The following TMCC3 variants were observed in gnomAD, a reference collection of about 807,000 sequenced individuals.
The protein encoded by TMCC3 is transmembrane and coiled-coil domain family 3, also known as transmembrane and coiled-coil domain protein 3.
A neutral mutation model predicts 40.2 loss-of-function variants in TMCC3; 28 were observed. The observed-to-expected ratio is 0.70, with a 90% CI of 0.52 to 0.95. TMCC3 has a LOEUF of 0.95. Among genes scored for constraint, TMCC3 ranks in the 40% least tolerant of loss-of-function variants. TMCC3 has a pLI of 0.00. For missense variants in TMCC3, 554 were observed against 615.2 expected (o/e 0.90, Z 1.05); for synonymous variants, 255 against 248.5 (o/e 1.03, Z -0.25).
At chr12:94,636,386 G>C (rs1015833138) in intron 1 of TMCC3, among the ~76,000 whole-genome samples, 1 of 150,126 alleles carries the variant, frequency 6.7e-6, no homozygotes, top group Admixed American at 6.6e-5. Context: ...GCAAAATATG[G>C]TTAGTATTTA....
At chr12:94,578,317 A>T in intron 3 of TMCC3, 77 bp downstream of exon 3, 1 of 1,520,104 alleles carries the variant, frequency 6.6e-7, no homozygotes. Flanking sequence ...GGACTTAGGC[A>T]TAAACATTTA....
At chr12:94,647,002 G>T (rs1009165038) in intron 1 of TMCC3, among the ~76,000 whole-genome samples, 1 of 151,906 alleles carries the variant, frequency 6.6e-6, no homozygotes, top group Non-Finnish European at 1.5e-5. Flanking sequence ...CCAACTAAAA[G>T]AAAACCTAAT....
chr12:94,624,895 C>T (rs2068895199), intron 1 of TMCC3, among the ~76,000 whole-genome samples: 2 of 151,998 alleles, frequency 1.3e-5, no homozygotes. Flanking sequence ...AATCCCAGCA[C>T]TTTGGGAGGC....
At chr12:94,627,824 A>G (rs943401546) in intron 1 of TMCC3, among the ~76,000 whole-genome samples, 1 of 152,176 alleles carries the variant, frequency 6.6e-6, no homozygotes. Context: ...ATCCACATTT[A>G]ACATACTATA....
At chr12:94,607,585 C>T (rs371101511) in intron 1 of TMCC3, among the ~76,000 whole-genome samples, 10 of 152,152 alleles carry the variant, frequency 6.6e-5, no homozygotes, top group East Asian at 3.9e-4. Context: ...CCTGACTTCC[C>T]GCAACAGATG....
chr12:94,640,464 G>A lies in TMCC3; in HGVS notation c.78+9889C>T, dbSNP rs938620642. ...CTCCCACAGTGCTGGGAATACAGGC[G>A]TGAGCCACCACACCCAGTGCTAATC... On this transcript the variant is annotated intron_variant, in intron 1 of 3. Coordinates refer to ENST00000261226, the MANE Select transcript of TMCC3 (RefSeq NM_020698.4). Among the ~76,000 whole-genome samples, 12 of 152,288 alleles carry A rather than the reference G, an allele frequency of 7.9e-5. No homozygotes were observed. In the South Asian group the frequency reaches 1.2e-3, roughly 16 times the overall value.
At chr12:94,579,906 T>A (rs1048984242) in intron 2 of TMCC3, among the ~76,000 whole-genome samples, 5 of 152,210 alleles carry the variant, frequency 3.3e-5, no homozygotes, top group Non-Finnish European at 5.9e-5. Flanking sequence ...TAGAAAGTGC[T>A]ATATCCCAGA....
Position 94,650,469 on chromosome 12 carries a change from C to T in TMCC3, c.-39G>A. On this transcript the variant is annotated 5_prime_UTR_variant, in exon 1 of 4. Coordinates refer to ENST00000261226, the MANE Select transcript of TMCC3 (RefSeq NM_020698.4). The stretch of plus-strand genomic sequence containing the variant: ...CCGCGAACTTTCCCGTCTTCTGGGG[C>T]TGCCGCGCCGCGAGCCACCGGCTGT... The T allele has an allele frequency of 1.6e-6, 2 of 1,244,000 alleles. No individual in the cohort carries two copies. The highest frequency in any genetic ancestry group is 2.0e-6 in the Non-Finnish European group (2 of 989,922). The allele number at this position is 1,244,000 out of a possible 1,614,324, so 77.1% of individuals were successfully genotyped here. A position where few individuals can be genotyped will look rare whatever the true frequency, so the allele number is the denominator to read the frequency against.
chr12:94,608,902 ACC>A (rs2068799110), intron 1 of TMCC3, among the ~76,000 whole-genome samples: 4 of 151,974 alleles, frequency 2.6e-5, no homozygotes, highest in Non-Finnish European at 5.9e-5. Flanking sequence ...TCTAGTTCTC[ACC>A]TCATTATACT....
rs1230321044 is a variant in TMCC3 at position 94,588,902 on chromosome 12, C to A, written c.79-6364G>T. ...GCAGTGGTGCAATCTCGGCTCACTG[C>A]AACCTCCACCTCCTGGGTTCAAGTG... On this transcript the variant is annotated intron_variant, in intron 1 of 3. Transcript: ENST00000261226. Among the ~76,000 whole-genome samples the A allele has an allele frequency of 2.6e-4, 39 of 151,730 alleles. 1 individual carries two copies. The highest frequency in any genetic ancestry group is 2.3e-3 in the Admixed American group (35 of 15,244).
intron 1 of TMCC3, among the ~76,000 whole-genome samples, chr12:94,599,403 G>A (rs2068737765): frequency 6.6e-6 from 1 of 152,146 alleles, no homozygotes; most frequent in Non-Finnish European, 1.5e-5. Context: ...CATGCACGGA[G>A]TATTTGTGTG....
intron 1 of TMCC3, among the ~76,000 whole-genome samples, chr12:94,627,639 G>A (rs1345554612): frequency 1.3e-5 from 2 of 152,208 alleles, no homozygotes; most frequent in African/African-American, 4.8e-5. Flanking sequence ...CATGCATGCT[G>A]TTTTCCTGCC....
chr12:94,602,791 T>C (rs572467510), intron 1 of TMCC3, among the ~76,000 whole-genome samples: 3 of 152,220 alleles, frequency 2.0e-5, no homozygotes, highest in African/African-American at 7.2e-5. Context: ...CTGTTGACTA[T>C]GGACATCCAC....
intron 3 of TMCC3, 54 bp from the exon 4 acceptor site, chr12:94,571,791 C>T (rs1001790153): frequency 2.4e-5 from 37 of 1,572,260 alleles, no homozygotes; most frequent in African/African-American, 4.0e-5. Flanking sequence ...GTGAGCAACA[C>T]GTGAGTGCTC....
rs76094035 is a variant in TMCC3 at position 94,600,821 on chromosome 12, T to C, written c.79-18283A>G. ...CTGTTAGGTGGGTTCCTCTTTGTTT[T>C]ATCATCTTTGCTGGGTTTTTTACTA... On this transcript the variant is annotated intron_variant, in intron 1 of 3. Transcript: ENST00000261226. Among the ~76,000 whole-genome samples the C allele has an allele frequency of 2.0e-5, 3 of 152,216 alleles. No individual in the cohort carries two copies. In the East Asian group the frequency reaches 5.8e-4, roughly 29 times the overall value.
At chr12:94,633,968 CAG>C (rs1214533938) in intron 1 of TMCC3, among the ~76,000 whole-genome samples, 1 of 147,432 alleles carries the variant, frequency 6.8e-6, no homozygotes, top group South Asian at 2.1e-4. Context: ...TTTTTTGAGA[CAG>C]AGTCTCGCTC....
rs1425778146 is a variant in TMCC3, at chr12:94,571,556, G to T, written c.1313C>A (p.Pro438His). Reference sequence around the variant, plus strand: ...AATGTGGCAGCGACTCTTCATCATGGGTGAGACGAACTTCGCGATGGTGGA... The same window carrying T: ...AATGTGGCAGCGACTCTTCATCATGTGTGAGACGAACTTCGCGATGGTGGA... ...CVSTIAKFVS[P>H]MMKSRCHILG... Residue 438 changes from proline (P) to histidine (H), a missense_variant, in exon 4 of 4, where the codon CCC (proline) becomes CAC (histidine). Physicochemically the swap from Pro to His is moderately conservative, Grantham distance 77. Coordinates refer to ENST00000261226, the MANE Select transcript of TMCC3 (RefSeq NM_020698.4). 2 of 1,614,138 alleles carry T rather than the reference G, an allele frequency of 1.2e-6. No individual in the cohort carries two copies. The highest frequency in any genetic ancestry group is 8.5e-7 in the Non-Finnish European group (1 of 1,180,032).
intron 1 of TMCC3, among the ~76,000 whole-genome samples, chr12:94,608,455 C>G (rs1181578083): frequency 6.6e-6 from 1 of 152,168 alleles, no homozygotes; most frequent in Non-Finnish European, 1.5e-5. Flanking sequence ...CTCCCACATA[C>G]TCTAACATCA....
intron 1 of TMCC3, among the ~76,000 whole-genome samples, chr12:94,643,502 C>T (rs1167094981): frequency 6.6e-6 from 1 of 152,218 alleles, no homozygotes; most frequent in Middle Eastern, 3.2e-3. Flanking sequence ...GACCAAACAT[C>T]AGGCAAAAAC....
Sources: gnomAD v4.1 joint callset for allele counts (sites outside exome capture counted in the v4.1 genomes callset) on GRCh38, gnomAD v4.1.1 for gene constraint, MANE v1.5 for transcripts, NCBI Gene and HGNC (gene_info 2026-07-23, HGNC 2026-07-21) for gene names.